CMSS1: variants seen among roughly 807,000 people sequenced by gnomAD.
CMSS1 encodes protein CMSS1.
CMSS1 carries 33 observed loss-of-function variants against 43.5 expected under a neutral mutation model. The observed-to-expected ratio is 0.76, with a 90% CI of 0.57 to 1.01. The LOEUF is 1.01. Among genes scored for constraint, CMSS1 ranks in the 50% least tolerant of loss-of-function variants. The pLI is 0.00. For missense variants in CMSS1, 313 were observed against 326.4 expected, an observed-to-expected ratio of 0.96 and a Z score of 0.32; for synonymous variants, 115 against 117.2, an observed-to-expected ratio of 0.98 and a Z score of 0.12.
intron 1 of CMSS1, among the ~76,000 whole-genome samples, chr3:100,143,271 C>A (rs1258247179): frequency 6.6e-6 from 1 of 152,068 alleles, no homozygotes; most frequent in East Asian, 1.9e-4. Flanking sequence ...ATTTCCTTTT[C>A]TTGTCATATT....
In CMSS1 at chr3:100,049,159, A is replaced by G. The variant is rs781264221; in HGVS notation, c.65-97814A>G. Among the ~76,000 whole-genome samples, 39 of 152,288 alleles carry G rather than the reference A, an allele frequency of 2.6e-4. 1 individual carries two copies. The highest frequency in any genetic ancestry group is 6.8e-3 in the Middle Eastern group (2 of 294). On this transcript the variant is annotated intron_variant, in intron 1 of 9. Coordinates refer to ENST00000421999, the MANE Select transcript of CMSS1 (RefSeq NM_032359.4). Reference sequence around the variant, plus strand: ...GTTTTTTCTTTTACCTTCTCTCCTTACTATTTGAAGTTATACCTTTGGGAA... The same window carrying G: ...GTTTTTTCTTTTACCTTCTCTCCTTGCTATTTGAAGTTATACCTTTGGGAA...
At chr3:100,160,970 A>G (rs2107526210) in intron 3 of CMSS1, among the ~76,000 whole-genome samples, 1 of 152,360 alleles carries the variant, frequency 6.6e-6, no homozygotes, top group East Asian at 1.9e-4. Context: ...ATTTGGAACC[A>G]TAAATTAGGT....
chr3:99,998,633 G>A (rs1709750829), intron 1 of CMSS1, among the ~76,000 whole-genome samples: 1 of 152,130 alleles, frequency 6.6e-6, no homozygotes. Context: ...TGCGATCTCG[G>A]CTCACTGCAA....
At chr3:100,063,001 A>C (rs984611348) in intron 1 of CMSS1, among the ~76,000 whole-genome samples, 2 of 152,246 alleles carry the variant, frequency 1.3e-5, no homozygotes, top group Non-Finnish European at 2.9e-5. Flanking sequence ...TGACACATAA[A>C]GGCAAAATTT....
rs139478051 is a variant in CMSS1 at position 99,926,874 on chromosome 3, C to G, written c.64+108831C>G. ...GAAAGAAGGCTAGAAGGAATCCGTG[C>G]CCTTCATTTATTCCATGACCCCCTA... On this transcript the variant is annotated intron_variant, in intron 1 of 9. Coordinates refer to ENST00000421999, the MANE Select transcript of CMSS1 (RefSeq NM_032359.4). Among the ~76,000 whole-genome samples the G allele has an allele frequency of 3.7e-3, 558 of 152,274 alleles. 2 individuals are homozygous for G. The highest frequency in any genetic ancestry group is 5.8e-3 in the Non-Finnish European group (394 of 68,026).
At chr3:100,133,712 A>C (rs1202344193) in intron 1 of CMSS1, among the ~76,000 whole-genome samples, 1 of 152,214 alleles carries the variant, frequency 6.6e-6, no homozygotes, top group Admixed American at 6.5e-5. Context: ...ATCCAAACAC[A>C]AATCATTATG....
intron 1 of CMSS1, among the ~76,000 whole-genome samples, chr3:100,084,628 T>G (rs974642611): frequency 3.3e-5 from 5 of 152,238 alleles, no homozygotes; most frequent in Non-Finnish European, 7.3e-5. Context: ...TTTTACTATG[T>G]CTATGCAAGG....
At chr3:99,994,846 C>A (rs140632608) in intron 1 of CMSS1, among the ~76,000 whole-genome samples, 1 of 152,174 alleles carries the variant, frequency 6.6e-6, no homozygotes, top group Non-Finnish European at 1.5e-5. Flanking sequence ...TTATTCACTA[C>A]CACGAGAACA....
chr3:100,084,488 C>T (rs2065977079), intron 1 of CMSS1, among the ~76,000 whole-genome samples: 1 of 152,134 alleles, frequency 6.6e-6, no homozygotes, highest in Non-Finnish European at 1.5e-5. Flanking sequence ...TAAAGCCTTT[C>T]AGTGCTCCAA....
chr3:100,081,175 C>T lies in CMSS1; in HGVS notation c.65-65798C>T, dbSNP rs9830284. ...CAGACCACCTCCATGGTTCATAATC[C>T]TCTCTCAAGATGGAACTTCACCGAA... On this transcript the variant is annotated intron_variant, in intron 1 of 9. Coordinates refer to ENST00000421999, the MANE Select transcript of CMSS1 (RefSeq NM_032359.4). Among the ~76,000 whole-genome samples the T allele has an allele frequency of 5.0e-3, 760 of 152,246 alleles. 5 individuals are homozygous for T. Among genetic ancestry groups the T allele is most frequent in the African/African-American group, 0.017 (715 of 41,530 alleles).
At chr3:99,830,401 G>A in intron 1 of CMSS1, 1 of 425,240 alleles carries the variant, frequency 2.4e-6, no homozygotes, top group Non-Finnish European at 4.8e-6. Context: ...TCCAGGCAGT[G>A]CATTGGTATG....
chr3:100,058,931 C>A (rs1033104130), intron 1 of CMSS1, among the ~76,000 whole-genome samples: 2 of 152,184 alleles, frequency 1.3e-5, no homozygotes, highest in Non-Finnish European at 2.9e-5. Flanking sequence ...AGCAAAGGGG[C>A]AGTTTGGACA....
intron 1 of CMSS1, among the ~76,000 whole-genome samples, chr3:99,873,881 A>G (rs911612662): frequency 1.3e-5 from 2 of 152,222 alleles, no homozygotes; most frequent in Non-Finnish European, 2.9e-5. Flanking sequence ...CAAAAGTGCA[A>G]ATGAACTTAC....
intron 1 of CMSS1, among the ~76,000 whole-genome samples, chr3:99,819,159 A>T (rs1477158586): frequency 6.6e-6 from 1 of 152,258 alleles, no homozygotes; most frequent in East Asian, 1.9e-4. Flanking sequence ...TCAGGTACAA[A>T]CTAAGCAGAT....
chr3:99,991,795 A>G (rs1244257929), intron 1 of CMSS1, among the ~76,000 whole-genome samples: 3 of 151,110 alleles, frequency 2.0e-5, no homozygotes, highest in Admixed American at 6.6e-5. Flanking sequence ...TCTTTTTCTA[A>G]AGCCAGTAAA....
intron 3 of CMSS1, 36 bp from the exon 4 acceptor site, chr3:100,162,267 T>C (rs534978649): frequency 5.0e-6 from 8 of 1,593,326 alleles, no homozygotes; most frequent in South Asian, 2.3e-5. Context: ...CATTTTAAAA[T>C]ATGTCGTCCC....
rs568367475 is a variant in CMSS1 at position 100,045,298 on chromosome 3, A to G, written c.65-101675A>G. On this transcript the variant is annotated intron_variant, in intron 1 of 9. Transcript: ENST00000421999. ...GTATCTAGCTCATAGTAAGCACTCA[A>G]TATATGGTAATTGCCATTATTACTA... 5.9e-5 allele frequency among the ~76,000 whole-genome samples: 9 copies of G among 152,378 alleles called. No individual in the cohort carries two copies. The East Asian group carries it at 7.7e-4, about 13-fold the overall frequency.
At chr3:99,991,949 T>C (rs1172614901) in intron 1 of CMSS1, among the ~76,000 whole-genome samples, 2 of 147,140 alleles carry the variant, frequency 1.4e-5, no homozygotes, top group Non-Finnish European at 3.0e-5. Flanking sequence ...TGTATATATG[T>C]GTATATATGT....
chr3:99,851,166 A>T, intron 1 of CMSS1: 1 of 1,015,028 alleles, frequency 9.9e-7, no homozygotes. Context: ...TTATGTAATT[A>T]TATGAGCTGT....
Sources: allele counts gnomAD v4.1 joint callset (sites outside exome capture counted in the v4.1 genomes callset), GRCh38; gene constraint gnomAD v4.1.1; transcripts MANE v1.5; gene names NCBI Gene and HGNC (gene_info 2026-07-23, HGNC 2026-07-21).